Variants in ZNF469 observed in about 807,000 individuals in gnomAD.
ZNF469 encodes the protein zinc finger protein 469.
In ZNF469, 1 loss-of-function variant was observed where a neutral mutation model predicts 1.0. That is an observed-to-expected ratio of 1.00 (90% confidence interval 0.35 to 4.73). The LOEUF (loss-of-function observed/expected upper bound fraction) is 4.73, where lower values mean the gene tolerates loss of function less well. ZNF469 is among the 30% of genes most tolerant of loss of function. The pLI, the probability that ZNF469 is intolerant of heterozygous loss-of-function variation, is 0.16. For synonymous variants in ZNF469, 2,703 were observed against 2,363.4 expected (o/e 1.14, Z -4.17); for missense variants, 6,100 against 5,356.3 (o/e 1.14, Z -4.33).
At chr16:88,186,711 G>T in the ZNF469 span, among the ~76,000 whole-genome samples, 3 of 152,212 alleles carry the variant, frequency 2.0e-5, no homozygotes, top group African/African-American at 7.2e-5. Context: ...TGCGGCCCGG[G>T]CCTAAGAGCT....
the ZNF469 span, among the ~76,000 whole-genome samples, chr16:88,256,011 G>A: frequency 1.0e-3 from 153 of 152,318 alleles, no homozygotes; most frequent in African/African-American, 3.0e-3. Flanking sequence ...GATTTAGGCC[G>A]TTTTTGATCA....
chr16:88,283,606 G>T, the ZNF469 span, among the ~76,000 whole-genome samples: 3 of 152,228 alleles, frequency 2.0e-5, no homozygotes, highest in Non-Finnish European at 4.4e-5. Context: ...TGGGTTGGGG[G>T]TATCTGTTAC....
At chr16:88,227,116 C>G in the ZNF469 span, among the ~76,000 whole-genome samples, 2 of 151,536 alleles carry the variant, frequency 1.3e-5, 1 homozygote, top group Non-Finnish European at 2.9e-5. Flanking sequence ...CCACCCGTCC[C>G]TCCTCCACGC....
the ZNF469 span, among the ~76,000 whole-genome samples, chr16:88,105,877 A>C: frequency 2.0e-5 from 3 of 152,206 alleles, no homozygotes; most frequent in African/African-American, 7.2e-5. Context: ...CAGGGTGGCC[A>C]CACCCAGGAA....
At chr16:88,305,016 G>A in the ZNF469 span, among the ~76,000 whole-genome samples, 2 of 152,122 alleles carry the variant, frequency 1.3e-5, no homozygotes, top group South Asian at 2.1e-4. Flanking sequence ...GGAGCCTACT[G>A]GAAGCTAGAG....
chr16:88,423,108 GTGGA>G (rs1181833371), intron 1 of ZNF469, among the ~76,000 whole-genome samples: 7 of 11,640 alleles, frequency 6.0e-4, no homozygotes, highest in Non-Finnish European at 1.1e-3. Context: ...GGATGGATGG[GTGGA>G]TGGATGGATG....
At chr16:88,412,897 C>G (rs937947396) in intron 1 of ZNF469, among the ~76,000 whole-genome samples, 3 of 152,204 alleles carry the variant, frequency 2.0e-5, no homozygotes, top group Non-Finnish European at 4.4e-5. Context: ...GAAAGTCTGC[C>G]ACTGTGCTCC....
At chr16:88,260,995 C>A in the ZNF469 span, among the ~76,000 whole-genome samples, 67 of 152,146 alleles carry the variant, frequency 4.4e-4, no homozygotes, top group African/African-American at 1.5e-3. This position sits in a 1 kb window ranked among gnomAD's most constrained non-coding sequence, Gnocchi z 4.1. Context: ...AGAAACACGG[C>A]GGAGAGGATC....
chr16:88,117,564 G>A, the ZNF469 span, among the ~76,000 whole-genome samples: 14 of 152,274 alleles, frequency 9.2e-5, no homozygotes, highest in Admixed American at 3.9e-4. Context: ...GAAGTGTCAC[G>A]TGCCTTCACG....
the ZNF469 span, among the ~76,000 whole-genome samples, chr16:88,150,546 C>A: frequency 6.6e-6 from 1 of 152,158 alleles, no homozygotes; most frequent in South Asian, 2.1e-4. Flanking sequence ...GCTGCTCCCC[C>A]TTTGTGGGTG....
chr16:88,398,485 G>A (rs1419064686), intron 1 of ZNF469, among the ~76,000 whole-genome samples: 1 of 151,728 alleles, frequency 6.6e-6, no homozygotes, highest in Non-Finnish European at 1.5e-5. Flanking sequence ...CACGGATGAA[G>A]GGGGGCATGT....
the ZNF469 span, among the ~76,000 whole-genome samples, chr16:88,245,427 G>A: frequency 1.4e-4 from 22 of 152,272 alleles, no homozygotes; most frequent in South Asian, 6.2e-4. Flanking sequence ...CTCCTGGACC[G>A]TCCTCCCGCA....
chr16:88,342,899 C>G, the ZNF469 span, among the ~76,000 whole-genome samples: 7 of 152,344 alleles, frequency 4.6e-5, no homozygotes, highest in Admixed American at 3.3e-4. Flanking sequence ...GTGGTGGGTC[C>G]CTGTGGGAGG....
the ZNF469 span, among the ~76,000 whole-genome samples, chr16:88,336,476 G>A: frequency 0.16 from 22,519 of 137,674 alleles, 2,268 homozygotes; most frequent in Non-Finnish European, 0.24. Context: ...CCAATACCAC[G>A]CACGTTCATC....
At chr16:88,110,200 C>T in the ZNF469 span, among the ~76,000 whole-genome samples, 39 of 152,262 alleles carry the variant, frequency 2.6e-4, no homozygotes, top group African/African-American at 9.4e-4. Flanking sequence ...GGCCGCCCCA[C>T]CCCAGTACCC....
chr16:88,236,374 A>G, the ZNF469 span, among the ~76,000 whole-genome samples: 1 of 152,258 alleles, frequency 6.6e-6, no homozygotes, highest in African/African-American at 2.4e-5. Context: ...ATTGCTACAA[A>G]CAGCCTGTGC....
chr16:88,371,987 TCACCATCACCATCATCACCATCATCAC>T, the ZNF469 span, among the ~76,000 whole-genome samples: 3 of 86,184 alleles, frequency 3.5e-5, no homozygotes, highest in Admixed American at 1.1e-4. Flanking sequence ...ATCATCACCA[TCACCATCACCATCATCACCATCATCAC>T]CATCACCATC....
At chr16:88,103,540 C>A in the ZNF469 span, among the ~76,000 whole-genome samples, 666 of 152,310 alleles carry the variant, frequency 4.4e-3, 3 homozygotes, top group African/African-American at 0.015. Flanking sequence ...CTCCTTGTCC[C>A]CCCCGAATCT....
upstream of ZNF469, among the ~76,000 whole-genome samples, chr16:88,380,436 TAC>T (rs138279728): frequency 0.056 from 4,263 of 75,732 alleles, 139 homozygotes; most frequent in Admixed American, 0.17. Flanking sequence ...CATTCACACA[TAC>T]ACAGTCACAC....
Sources: allele counts gnomAD v4.1 joint callset (sites outside exome capture counted in the v4.1 genomes callset), GRCh38; gene constraint gnomAD v4.1.1; non-coding constraint Gnocchi (gnomAD v3.1); transcripts MANE v1.5; gene names NCBI Gene and HGNC (gene_info 2026-07-23, HGNC 2026-07-21).